The following ZNF559 variants were observed in gnomAD, a reference collection of about 807,000 sequenced individuals.
ZNF559 encodes zinc finger protein 559.
A neutral mutation model predicts 14.2 loss-of-function variants in ZNF559; 17 were observed. That is an observed-to-expected ratio of 1.20 (90% CI 0.82 to 1.80). The LOEUF is 1.80. ZNF559 is among the 40% of genes most tolerant of loss of function. ZNF559 has a pLI of 0.00. For missense variants in ZNF559, 740 were observed against 629.7 expected, an observed-to-expected ratio of 1.18 and a Z score of -1.88; for synonymous variants, 244 against 212.4, an observed-to-expected ratio of 1.15 and a Z score of -1.29.
chr19:9,324,626 C>CT (rs2066472810), intron 1 of ZNF559, 69 bp from the exon 2 acceptor site: 3 of 1,041,208 alleles, frequency 2.9e-6, no homozygotes, highest in Non-Finnish European at 4.0e-6. Context: ...AGACCCCCCC[C>CT]CCCAACCATC....
chr19:9,337,998 C>T (rs1429312576), intron 3 of ZNF559, 140 bp downstream of exon 3: 1 of 1,536,060 alleles, frequency 6.5e-7, no homozygotes, highest in South Asian at 1.2e-5. Flanking sequence ...GGATGCTGGC[C>T]ATTGGTCTTT....
chr19:9,329,538 G>A (rs1262336438), intron 2 of ZNF559, among the ~76,000 whole-genome samples: 3 of 152,158 alleles, frequency 2.0e-5, no homozygotes, highest in East Asian at 1.9e-4. Context: ...TTTGTGTGAT[G>A]TAAGAATAGG....
chr19:9,328,145 A>C (rs1180395229), intron 2 of ZNF559, among the ~76,000 whole-genome samples: 2 of 151,942 alleles, frequency 1.3e-5, no homozygotes, highest in Admixed American at 1.3e-4. Context: ...AAAGACCTTG[A>C]CTCCTAATGA....
In ZNF559 at chr19:9,341,953, A is replaced by G; in HGVS notation, c.502A>G (p.Ser168Gly). The part of the protein sequence containing the change: ...QHLHLVCKKT[S>G]QNLHLVCKKT... ...TCTACATCTTGTTTGCAAGAAAACT[A>G]GCCAAAATCTACATCTTGTTTGCAA... Residue 168 changes from serine (S) to glycine (G), a missense_variant, in exon 7 of 7, where the codon AGC (serine) becomes GGC (glycine). Ser to Gly is a moderately conservative substitution (Grantham distance 56, BLOSUM62 0). Coordinates refer to ENST00000603380, the MANE Select transcript of ZNF559 (RefSeq NM_032497.3). 6.2e-7 allele frequency: 1 copy of G among 1,613,854 alleles called. No individual in the cohort carries two copies. The highest frequency in any genetic ancestry group is 8.5e-7 in the Non-Finnish European group (1 of 1,179,942).
At chr19:9,341,541 C>T (rs748174449) in intron 6 of ZNF559, 154 bp from the exon 7 acceptor site, 10 of 1,374,128 alleles carry the variant, frequency 7.3e-6, no homozygotes, top group Non-Finnish European at 8.0e-6. Flanking sequence ...ACACTCAGGT[C>T]TGAACCATGC....
intron 2 of ZNF559, among the ~76,000 whole-genome samples, chr19:9,327,056 T>G (rs957946394): frequency 1.3e-5 from 2 of 152,178 alleles, no homozygotes; most frequent in Non-Finnish European, 2.9e-5. Flanking sequence ...GGGCTTCATA[T>G]TATATCCTAT....
intron 2 of ZNF559, among the ~76,000 whole-genome samples, chr19:9,330,498 T>C (rs1599301997): frequency 6.6e-6 from 1 of 152,196 alleles, no homozygotes; most frequent in African/African-American, 2.4e-5. Flanking sequence ...CTTCACTCTT[T>C]TTCATTGTTT....
chr19:9,341,233 T>A (rs2122278102), intron 6 of ZNF559, 49 bp downstream of exon 6: 2 of 1,540,226 alleles, frequency 1.3e-6, no homozygotes, highest in South Asian at 1.1e-5. Flanking sequence ...AGAGGAAGAT[T>A]GGAAATTCCT....
chr19:9,324,580 G>T, intron 1 of ZNF559, 115 bp from the exon 2 acceptor site: 1 of 1,162,840 alleles, frequency 8.6e-7, no homozygotes, highest in South Asian at 1.6e-5. Context: ...GATTACTTGA[G>T]GCCAGGAGTT....
upstream of ZNF559, chr19:9,324,122 C>T: frequency 1.3e-6 from 2 of 1,526,806 alleles, no homozygotes; most frequent in Non-Finnish European, 1.8e-6. Context: ...GAACCCGAGG[C>T]CCCGCCCCCT....
intron 3 of ZNF559, among the ~76,000 whole-genome samples, chr19:9,338,199 G>C (rs1223697800): frequency 6.6e-6 from 1 of 152,204 alleles, no homozygotes; most frequent in African/African-American, 2.4e-5. Context: ...AAGTATGCAG[G>C]CTTTTGTGGA....
rs1048654732 is a variant in ZNF559, at chr19:9,324,723, G to A, written c.-177G>A. The A allele has an allele frequency of 2.0e-6, 3 of 1,535,506 alleles. No homozygotes were observed. The highest frequency in any genetic ancestry group is 2.7e-5 in the African/African-American group (2 of 72,764). ...CAGCATCTCTGCCTTCCTGTTCACG[G>A]TGACCTTCGCTTGGTGTCCTCCTGG... On this transcript the variant is annotated 5_prime_UTR_variant, in exon 2 of 7. It adds an upstream start codon to the 5' untranslated region. Transcript: ENST00000603380.
At position 9,341,899 on chromosome 19, in the gene ZNF559, A is replaced by G; in HGVS notation, c.448A>G (p.Asn150Asp). The G allele has an allele frequency of 1.2e-6, 2 of 1,612,178 alleles. No homozygotes were observed. The highest frequency in any genetic ancestry group is 1.1e-5 in the South Asian group (1 of 90,510). Reference sequence around the variant, plus strand: ...TATCGGAGAGGAACTTCCTAACTGTAATCAATGTGAAACAGCCTTCAGCCA... The same window carrying G: ...TATCGGAGAGGAACTTCCTAACTGTGATCAATGTGAAACAGCCTTCAGCCA... The part of the protein sequence containing the change: ...TDIGEELPNC[N>D]QCETAFSQHL... The change falls in exon 7 of 7, where the codon AAT (asparagine) becomes GAT (aspartate). Residue 150 changes from asparagine to aspartate, a missense_variant. Physicochemically the swap from Asn to Asp is conservative, Grantham distance 23 (BLOSUM62 1). Coordinates refer to ENST00000603380, the MANE Select transcript of ZNF559 (RefSeq NM_032497.3).
At chr19:9,332,322 C>CTT (rs2066978753) in intron 2 of ZNF559, among the ~76,000 whole-genome samples, 1 of 149,454 alleles carries the variant, frequency 6.7e-6, no homozygotes, top group African/African-American at 2.5e-5. Context: ...ATTATCTTTT[C>CTT]ATATATAGAG....
chr19:9,324,462 G>GGGC, intron 1 of ZNF559: 1 of 1,426,846 alleles, frequency 7.0e-7, no homozygotes, highest in Non-Finnish European at 9.2e-7. Flanking sequence ...AGGAGGCGGG[G>GGGC]GGCACGGCCT....
At position 9,341,971 on chromosome 19, in the gene ZNF559, G is replaced by C. The variant is rs1334526665; in HGVS notation, c.520G>C (p.Val174Leu). The change falls in exon 7 of 7, where the codon GTT becomes CTT. Residue 174 changes from valine (V) to leucine (L), a missense_variant. By Grantham distance (32) the Val-to-Leu change is conservative. Coordinates refer to ENST00000603380, the MANE Select transcript of ZNF559 (RefSeq NM_032497.3). Reference protein sequence around the residue: ...CKKTSQNLHLVCKKTHTQEKP... With the variant: ...CKKTSQNLHLLCKKTHTQEKP... Reference sequence around the variant, plus strand: ...GAAAACTAGCCAAAATCTACATCTTGTTTGCAAGAAAACTCACACTCAAGA... The same window carrying C: ...GAAAACTAGCCAAAATCTACATCTTCTTTGCAAGAAAACTCACACTCAAGA... 4.3e-6 allele frequency: 7 copies of C among 1,613,452 alleles called. No homozygotes were observed. The South Asian group carries it at 4.4e-5, about 10-fold the overall frequency.
chr19:9,343,290 G>T lies in ZNF559; in HGVS notation c.*222G>T. 7.5e-7 allele frequency: 1 copy of T among 1,332,602 alleles called. No individual in the cohort carries two copies. The highest frequency in any genetic ancestry group is 9.6e-7 in the Non-Finnish European group (1 of 1,041,148). The allele number at this position is 1,332,602 out of a possible 1,614,324, so 82.5% of individuals were successfully genotyped here. On this transcript the variant is annotated 3_prime_UTR_variant, in exon 7 of 7. Transcript: ENST00000603380. ...CATAGGCCTTACTATTCATGTGTCTGTGCATCCTAGGAAACAAACTGAACG... is the reference window on the plus strand; with the variant it reads ...CATAGGCCTTACTATTCATGTGTCTTTGCATCCTAGGAAACAAACTGAACG...
Position 9,337,863 on chromosome 19 carries a change from G to A in ZNF559, c.-57+5G>A, listed in dbSNP as rs926701256. ...CCTGTTGCTGAAAGATTGACGGTAT[G>A]AGGCAAGACTCCCACTACTACTTAA... On this transcript the variant is annotated splice_donor_5th_base_variant and intron_variant, in intron 3 of 6. Coordinates refer to ENST00000603380, the MANE Select transcript of ZNF559 (RefSeq NM_032497.3). 6.6e-7 allele frequency: 1 copy of A among 1,511,450 alleles called. No individual in the cohort carries two copies. The allele number at this position is 1,511,450 out of a possible 1,614,324, so 93.6% of individuals were successfully genotyped here.
In ZNF559 at chr19:9,342,588, G is replaced by A; in HGVS notation, c.1137G>A (p.Lys379=). 1.2e-6 allele frequency: 2 copies of A among 1,614,066 alleles called. No individual in the cohort carries two copies. Among genetic ancestry groups the A allele is most frequent in the Non-Finnish European group, 1.7e-6 (2 of 1,180,002 alleles). ...TVHMRTHTGE[K]PYQCKECGKA... ...ATATGAGAACTCACACTGGTGAGAA[G>A]CCTTATCAATGTAAGGAATGTGGAA... The change falls in exon 7 of 7, where the codon AAG becomes AAA. Residue 379 remains lysine, a synonymous_variant. Transcript: ENST00000603380.
Sources: gnomAD v4.1 joint callset for allele counts (sites outside exome capture counted in the v4.1 genomes callset) on GRCh38, gnomAD v4.1.1 for gene constraint, MANE v1.5 for transcripts, NCBI Gene and HGNC (gene_info 2026-07-23, HGNC 2026-07-21) for gene names.